Variants in PLXNB1 observed in about 807,000 individuals in gnomAD.
PLXNB1 encodes plexin-B1.
In PLXNB1, 106 loss-of-function variants were observed where a neutral mutation model predicts 209.4. That is an observed-to-expected ratio of 0.51 (90% CI 0.43 to 0.59). The LOEUF is 0.59. Ranked by LOEUF, PLXNB1 falls within the 20% of genes least tolerant of loss-of-function variation. The probability of loss-of-function intolerance (pLI) is 0.00; values close to 1 mark genes in which losing one functional copy is unlikely to be tolerated. For missense variants in PLXNB1, 2,357 were observed against 2,853.2 expected (o/e 0.83, Z 3.96); for synonymous variants, 1,167 against 1,183.2 (o/e 0.99, Z 0.28).
At position 48,422,893 on chromosome 3, in the gene PLXNB1, T is replaced by A. The variant is rs762118172; in HGVS notation, c.1162A>T (p.Ser388Cys). 3.5e-5 allele frequency: 56 copies of A among 1,614,002 alleles called. 2 individuals carry two copies. The South Asian group carries it at 6.0e-4, about 17-fold the overall frequency. The change falls in exon 4 of 38, where the codon AGC becomes TGC. Residue 388 changes from serine (S) to cysteine (C), a missense_variant. By Grantham distance (112) the Ser-to-Cys change is moderately radical. This residue lies in a region of PLXNB1 where 404 missense variants were observed against 443.6 expected (regional missense o/e 0.91). Transcript: ENST00000296440. The part of the protein sequence containing the change: ...GSDHTPSPMA[S>C]RVPLEATPIL... Reference sequence around the variant, plus strand: ...GGTGTGGCTTCCAGCGGGACCCGGCTGGCCATGGGGCTGGGCGTGTGGTCT... The same window carrying A: ...GGTGTGGCTTCCAGCGGGACCCGGCAGGCCATGGGGCTGGGCGTGTGGTCT...
chr3:48,426,452 T>A (rs2038900415), intron 1 of PLXNB1, among the ~76,000 whole-genome samples: 1 of 152,200 alleles, frequency 6.6e-6, no homozygotes, highest in South Asian at 2.1e-4. Context: ...GCCCCTCCCA[T>A]CACCCAGCTG....
chr3:48,413,566 C>A lies in PLXNB1; in HGVS notation c.4535+104G>T, dbSNP rs2037846427. On this transcript the variant is annotated intron_variant, in intron 23 of 37. Coordinates refer to ENST00000296440, the MANE Select transcript of PLXNB1 (RefSeq NM_001130082.3). The surrounding 1 kb of genome is among the most constrained non-coding windows in gnomAD (Gnocchi z 5.4). ...CAAAGCGAAAATATTTACTCTCTGG[C>A]CATTTACAGAGAATGTTTCCTGACT... The A allele has an allele frequency of 1.7e-6, 2 of 1,210,132 alleles. No individual in the cohort carries two copies. Among genetic ancestry groups the A allele is most frequent in the Middle Eastern group, 2.6e-4 (1 of 3,862 alleles). The allele number at this position is 1,210,132 out of a possible 1,614,324, so 75.0% of individuals were successfully genotyped here.
chr3:48,419,069 G>A lies in PLXNB1; in HGVS notation c.2833-30C>T. Reference sequence around the variant, plus strand: ...GGGCAGAGAACACAGCTGTTGGGCAGCTTCAGGAGCTGGGCCCAGGGAGTC... The same window carrying A: ...GGGCAGAGAACACAGCTGTTGGGCAACTTCAGGAGCTGGGCCCAGGGAGTC... On this transcript the variant is annotated intron_variant, in intron 12 of 37. Coordinates refer to ENST00000296440, the MANE Select transcript of PLXNB1 (RefSeq NM_001130082.3). The surrounding 1 kb of genome is among the most constrained non-coding windows in gnomAD (Gnocchi z 5.7). The A allele has an allele frequency of 6.2e-7, 1 of 1,610,196 alleles. No homozygotes were observed. Among genetic ancestry groups the A allele is most frequent in the East Asian group, 2.2e-5 (1 of 44,764 alleles).
rs1476312494 is a variant in PLXNB1, at chr3:48,406,913, G to A, written c.6153-15C>T. ...CTGCATAGTACCTGCCAGAGAGCCA[G>A]GGCACAGCAGCTGCTGGGTAAACAA... On this transcript the variant is annotated splice_polypyrimidine_tract_variant and intron_variant, in intron 35 of 37. Coordinates refer to ENST00000296440, the MANE Select transcript of PLXNB1 (RefSeq NM_001130082.3). The surrounding 1 kb of genome is among the most constrained non-coding windows in gnomAD (Gnocchi z 4.4). The A allele has an allele frequency of 6.2e-7, 1 of 1,612,916 alleles. No individual in the cohort carries two copies.
rs2038378132 is a variant in PLXNB1 at position 48,419,851 on chromosome 3, G to C, written c.2435C>G (p.Pro812Arg). Residue 812 changes from proline (P) to arginine (R), a missense_variant, in exon 11 of 38, where the codon CCC (proline) becomes CGC (arginine). By Grantham distance (103) the Pro-to-Arg change is moderately radical. Around this residue, in one of 7 missense-constraint regions of PLXNB1, gnomAD observed 410 missense variants for 401.0 expected, o/e 1.02. Transcript: ENST00000296440. This position sits in a 1 kb window ranked among gnomAD's most constrained non-coding sequence, Gnocchi z 5.7. ...AGGGGGCAGGTCCAGGGGCACTGTG[G>C]GATGAAGAGCCTCGGGGCCAGGGTC... ...PADPGPEALH[P>R]TVPLDLPPAT... 1 of 1,573,372 alleles carries C rather than the reference G, an allele frequency of 6.4e-7. No individual in the cohort carries two copies. The highest frequency in any genetic ancestry group is 1.8e-5 in the Admixed American group (1 of 55,162).
At chr3:48,408,612 G>T (rs1575378350) in intron 34 of PLXNB1, among the ~76,000 whole-genome samples, 1 of 152,092 alleles carries the variant, frequency 6.6e-6, no homozygotes, top group Middle Eastern at 3.4e-3. Context: ...GACACTCCAT[G>T]AACTCTCTTC....
chr3:48,409,662 C>A lies in PLXNB1; in HGVS notation c.5848G>T (p.Ala1950Ser), dbSNP rs773200994. 5 of 1,613,970 alleles carry A rather than the reference C, an allele frequency of 3.1e-6. No individual in the cohort carries two copies. The highest frequency in any genetic ancestry group is 4.2e-6 in the Non-Finnish European group (5 of 1,180,004). The change falls in exon 33 of 38, where the codon GCT becomes TCT. Residue 1950 changes from alanine to serine, a missense_variant. Physicochemically the swap from Ala to Ser is moderately conservative, Grantham distance 99. Transcript: ENST00000296440. This position sits in a 1 kb window ranked among gnomAD's most constrained non-coding sequence, Gnocchi z 5.8. ...ILSTSRPVPL[A>S]VKYFFDLLDE... The stretch of plus-strand genomic sequence containing the variant: ...AGCAGGTCAAAGAAGTACTTCACAG[C>A]GAGCGGCACGGGGCGGCTGGTGCTG...
rs142710050 is a variant in PLXNB1, at chr3:48,424,279, G to A, written c.333C>T (p.Cys111=). ...CACAGACCCCCTGGTGCACGCTCCC[G>A]CATACCACCAGGGCCCCTGGGCTCA... The part of the protein sequence containing the change: ...LLVSPGALVV[C]GSVHQGVCEQ... The change falls in exon 3 of 38, where the codon TGC becomes TGT. Residue 111 remains cysteine, a synonymous_variant. Transcript: ENST00000296440. 28 of 1,586,416 alleles carry A rather than the reference G, an allele frequency of 1.8e-5. No homozygotes were observed. The highest frequency in any genetic ancestry group is 2.3e-5 in the South Asian group (2 of 87,354).
In PLXNB1 at chr3:48,415,004, A is replaced by T; in HGVS notation, c.4004T>A (p.Ile1335Asn). 1 of 1,613,592 alleles carries T rather than the reference A, an allele frequency of 6.2e-7. No homozygotes were observed. The highest frequency in any genetic ancestry group is 1.1e-5 in the South Asian group (1 of 91,088). The change falls in exon 21 of 38, where the codon ATC becomes AAC. Residue 1335 changes from isoleucine (I) to asparagine (N), a missense_variant. Physicochemically the swap from Ile to Asn is moderately radical, Grantham distance 149. Coordinates refer to ENST00000296440, the MANE Select transcript of PLXNB1 (RefSeq NM_001130082.3). The surrounding 1 kb of genome is among the most constrained non-coding windows in gnomAD (Gnocchi z 5.0). ...EPCHVNSSQL[I>N]TCRTPALPGL... is the part of the protein sequence containing the mutation. Reference sequence around the variant, plus strand: ...TGGGAGGGCAGGTGTGCGGCACGTGATGAGCTGGGAGGAGTTGACATGGCA... The same window carrying T: ...TGGGAGGGCAGGTGTGCGGCACGTGTTGAGCTGGGAGGAGTTGACATGGCA...
rs781747443 is a variant in PLXNB1 at position 48,418,377 on chromosome 3, A to G, written c.3050-14T>C. 1.2e-6 allele frequency: 2 copies of G among 1,613,638 alleles called. No individual in the cohort carries two copies. The highest frequency in any genetic ancestry group is 1.7e-6 in the Non-Finnish European group (2 of 1,180,008). ...CATACAGTACCACTGGGGGTGGCAGAGACACACGTGAGAGGCAGGCCTGGG... is the reference window on the plus strand; with the variant it reads ...CATACAGTACCACTGGGGGTGGCAGGGACACACGTGAGAGGCAGGCCTGGG... On this transcript the variant is annotated splice_polypyrimidine_tract_variant and intron_variant, in intron 14 of 37. Coordinates refer to ENST00000296440, the MANE Select transcript of PLXNB1 (RefSeq NM_001130082.3). This position sits in a 1 kb window ranked among gnomAD's most constrained non-coding sequence, Gnocchi z 6.6.
At chr3:48,424,639 A>C in intron 2 of PLXNB1, 22 bp from the exon 3 acceptor site, 2 of 1,530,628 alleles carry the variant, frequency 1.3e-6, no homozygotes, top group Non-Finnish European at 1.7e-6. Context: ...AGAGGTCGAG[A>C]GAGTGGGGCT....
chr3:48,415,078 C>A lies in PLXNB1; in HGVS notation c.3967-37G>T, dbSNP rs746590702. On this transcript the variant is annotated intron_variant, in intron 20 of 37. Transcript: ENST00000296440. This position sits in a 1 kb window ranked among gnomAD's most constrained non-coding sequence, Gnocchi z 5.0. The stretch of plus-strand genomic sequence containing the variant: ...ACAGGCAGGTTGACGAGGGGCCAAG[C>A]AAAGATGGGAAGAGCCTCCTCTGGC... 1 of 1,609,136 alleles carries A rather than the reference C, an allele frequency of 6.2e-7. No individual in the cohort carries two copies. The highest frequency in any genetic ancestry group is 8.5e-7 in the Non-Finnish European group (1 of 1,176,802).
chr3:48,414,418 C>T (rs188528371), intron 21 of PLXNB1, among the ~76,000 whole-genome samples: 2 of 152,334 alleles, frequency 1.3e-5, no homozygotes, highest in Non-Finnish European at 1.5e-5. Flanking sequence ...GCATGCCCAT[C>T]TGCTGCCCAC....
chr3:48,414,767 G>C, intron 21 of PLXNB1, 32 bp downstream of exon 21: 1 of 1,604,056 alleles, frequency 6.2e-7, no homozygotes, highest in East Asian at 2.2e-5. Flanking sequence ...GAAGGGTCTC[G>C]GGGCCCTGCC....
rs375094562 is a variant in PLXNB1, at chr3:48,405,784, G to T, written c.6243C>A (p.Asp2081Glu). The change falls in exon 37 of 38, where the codon GAC becomes GAA. Residue 2081 changes from aspartate (D) to glutamate (E), a missense_variant. Asp to Glu is a conservative substitution (Grantham distance 45). This residue lies in a region of PLXNB1 where 414 missense variants were observed against 520.5 expected (regional missense o/e 0.80). Transcript: ENST00000296440. This position sits in a 1 kb window ranked among gnomAD's most constrained non-coding sequence, Gnocchi z 5.0. Reference sequence around the variant, plus strand: ...CATGCAGGGCCACTCGCGCCCCGAGGTCTCCGGAGTAGTTCTAGGGAAGAG... The same window carrying T: ...CATGCAGGGCCACTCGCGCCCCGAGTTCTCCGGAGTAGTTCTAGGGAAGAG... ...LAELSWNYSG[D>E]LGARVALHEL... is the part of the protein sequence containing the mutation. 10 of 1,613,458 alleles carry T rather than the reference G, an allele frequency of 6.2e-6. No homozygotes were observed. In the African/African-American group the frequency reaches 1.1e-4, roughly 17 times the overall value.
rs752241808 is a variant in PLXNB1 at position 48,407,073 on chromosome 3, G to T, written c.6106C>A (p.Leu2036Ile). ...CGGGGAATGTCCCGTGCATACAGAA[G>T]TTTGTTGATCGGGGAGTCCTGGACA... is the stretch of plus-strand genomic sequence containing the variant. ...KLGRDSPINKLLYARDIPRYK... is the reference protein window; with the variant it reads ...KLGRDSPINKILYARDIPRYK... The change falls in exon 35 of 38, where the codon CTT becomes ATT. Residue 2036 changes from leucine to isoleucine, a missense_variant. Physicochemically the swap from Leu to Ile is conservative, Grantham distance 5. This residue lies in a region of PLXNB1 where 414 missense variants were observed against 520.5 expected (regional missense o/e 0.80). Transcript: ENST00000296440. 1.2e-6 allele frequency: 2 copies of T among 1,614,106 alleles called. No homozygotes were observed. Among genetic ancestry groups the T allele is most frequent in the South Asian group, 1.1e-5 (1 of 91,084 alleles).
chr3:48,413,390 G>C lies in PLXNB1; in HGVS notation c.4536-221C>G. Reference sequence around the variant, plus strand: ...CCAGCACAGTTTAGCCTAGAGATCAGCCAACCACAACCAGGCCAAATCCAT... The same window carrying C: ...CCAGCACAGTTTAGCCTAGAGATCACCCAACCACAACCAGGCCAAATCCAT... On this transcript the variant is annotated intron_variant, in intron 23 of 37. Transcript: ENST00000296440. The surrounding 1 kb of genome is among the most constrained non-coding windows in gnomAD (Gnocchi z 5.4). 1.7e-6 allele frequency: 1 copy of C among 605,236 alleles called. No homozygotes were observed. Among genetic ancestry groups the C allele is most frequent in the Admixed American group, 3.0e-5 (1 of 33,604 alleles). 37.5% of individuals were successfully genotyped at this position (605,236 alleles called of 1,614,324 possible). A position where few individuals can be genotyped will look rare whatever the true frequency, so the allele number is the denominator to read the frequency against.
In PLXNB1 at chr3:48,410,123, C is replaced by T. The variant is rs1297066674; in HGVS notation, c.5606-46G>A. ...TGTCACCCCTCCCCAGGTGCCACCTCCCCAGGCCCCCTGTTTCTTGCCAGC... is the reference window on the plus strand; with the variant it reads ...TGTCACCCCTCCCCAGGTGCCACCTTCCCAGGCCCCCTGTTTCTTGCCAGC... On this transcript the variant is annotated intron_variant, in intron 31 of 37. Transcript: ENST00000296440. The surrounding 1 kb of genome is among the most constrained non-coding windows in gnomAD (Gnocchi z 6.4). 3 of 1,530,564 alleles carry T rather than the reference C, an allele frequency of 2.0e-6. No homozygotes were observed. Among genetic ancestry groups the T allele is most frequent in the Non-Finnish European group, 2.6e-6 (3 of 1,134,230 alleles). The allele number at this position is 1,530,564 out of a possible 1,614,324, so 94.8% of individuals were successfully genotyped here.
rs1423615515 is a variant in PLXNB1 at position 48,404,578 on chromosome 3, G to A, written c.6316C>T (p.Leu2106=). ...TTCTGGGCCGTGCCATCCTCCTCCAGGGCAGTGATGATCTGAAACAGAGAC... is the reference window on the plus strand; with the variant it reads ...TTCTGGGCCGTGCCATCCTCCTCCAAGGCAGTGATGATCTGAAACAGAGAC... The part of the protein sequence containing the change: ...NKYYDQIITA[L]EEDGTAQKMQ... The change falls in exon 38 of 38, where the codon CTG becomes TTG. Residue 2106 remains leucine (L), a synonymous_variant. Coordinates refer to ENST00000296440, the MANE Select transcript of PLXNB1 (RefSeq NM_001130082.3). 6.2e-7 allele frequency: 1 copy of A among 1,611,550 alleles called. No individual in the cohort carries two copies. Among genetic ancestry groups the A allele is most frequent in the Non-Finnish European group, 8.5e-7 (1 of 1,178,142 alleles).
Sources: gnomAD v4.1 joint callset for allele counts (sites outside exome capture counted in the v4.1 genomes callset) on GRCh38, gnomAD v4.1.1 for gene constraint, gnomAD v4.1.1 regional missense constraint, Gnocchi (gnomAD v3.1) non-coding constraint, MANE v1.5 for transcripts, NCBI Gene and HGNC (gene_info 2026-07-23, HGNC 2026-07-21) for gene names.